The following KATNAL2 variants were observed in gnomAD, a reference collection of about 807,000 sequenced individuals.
KATNAL2 encodes the protein katanin catalytic subunit A1 like 2.
In KATNAL2, 52 loss-of-function variants were observed where a neutral mutation model predicts 76.3. The observed-to-expected ratio is 0.68, with a 90% CI of 0.55 to 0.86. The LOEUF (loss-of-function observed/expected upper bound fraction) is 0.86. KATNAL2 is among the 40% of genes least tolerant of loss of function. KATNAL2 has a pLI of 0.00. For missense variants in KATNAL2, 660 were observed against 668.9 expected, an observed-to-expected ratio of 0.99 and a Z score of 0.15; for synonymous variants, 243 against 244.2, an observed-to-expected ratio of 1.00 and a Z score of 0.05.
rs574265545 is a variant in KATNAL2, at chr18:47,071,953, C to CTTTTT, written c.1008+2387_1008+2391dup. Among the ~76,000 whole-genome samples the CTTTTT allele has an allele frequency of 3.1e-3, 136 of 43,958 alleles. 34 individuals carry two copies. The highest frequency in any genetic ancestry group is 9.9e-3 in the African/African-American group (83 of 8,348). The allele number at this position is 43,958 out of a possible 152,430, so 28.8% of individuals were successfully genotyped here. On this transcript the variant is annotated intron_variant, in intron 13 of 17. Transcript: ENST00000683218. The stretch of plus-strand genomic sequence containing the variant: ...GAAACAATTCCTCTCCCAATTTCTT[C>CTTTTT]TTTTTTTTTTTTTTTTTTTTTTTTT...
chr18:46,956,844 A>G lies in KATNAL2; in HGVS notation c.51+9921A>G, dbSNP rs558615256. 3.3e-5 allele frequency among the ~76,000 whole-genome samples: 5 copies of G among 152,060 alleles called. No homozygotes were observed. In the East Asian group the frequency reaches 9.7e-4, roughly 29 times the overall value. The stretch of plus-strand genomic sequence containing the variant: ...GATCACCTGAGGTCAGGAGTTCCAG[A>G]CCATCCTGACCAATATGATGAAACC... On this transcript the variant is annotated intron_variant, in intron 3 of 17. Transcript: ENST00000683218.
chr18:47,059,494 G>C, intron 7 of KATNAL2, 62 bp from the exon 8 acceptor site: 1 of 1,130,132 alleles, frequency 8.8e-7, no homozygotes, highest in Non-Finnish European at 1.3e-6. Context: ...GAGTAGGCAG[G>C]TACATCCAGC....
intron 7 of KATNAL2, among the ~76,000 whole-genome samples, chr18:47,058,745 G>A (rs565837590): frequency 6.6e-6 from 1 of 152,266 alleles, no homozygotes; most frequent in African/African-American, 2.4e-5. Flanking sequence ...ACATTGCTAG[G>A]TTCCTAAGTG....
At chr18:47,070,879 C>T (rs972460694) in intron 13 of KATNAL2, among the ~76,000 whole-genome samples, 23 of 152,070 alleles carry the variant, frequency 1.5e-4, no homozygotes, top group African/African-American at 5.3e-4. Flanking sequence ...TTTCTTTGTT[C>T]TTCATCTTGC....
chr18:47,041,729 T>C (rs1231068872), intron 3 of KATNAL2, among the ~76,000 whole-genome samples: 5 of 152,210 alleles, frequency 3.3e-5, no homozygotes, highest in African/African-American at 1.2e-4. Context: ...AGGGTTGCAA[T>C]TGTTGGGTCA....
chr18:46,932,058 G>C (rs959594718), intron 1 of KATNAL2, among the ~76,000 whole-genome samples: 4 of 151,748 alleles, frequency 2.6e-5, no homozygotes, highest in Non-Finnish European at 2.9e-5. Context: ...TTACAGGTGC[G>C]TGCTACCATG....
At chr18:46,933,811 TC>T (rs1243865727) in intron 1 of KATNAL2, among the ~76,000 whole-genome samples, 2 of 119,178 alleles carry the variant, frequency 1.7e-5, no homozygotes, top group African/African-American at 6.5e-5. Flanking sequence ...CCCATAACAG[TC>T]CCCGTCCCCA....
At chr18:47,053,439 G>A (rs533494349) in intron 5 of KATNAL2, among the ~76,000 whole-genome samples, 2 of 152,250 alleles carry the variant, frequency 1.3e-5, no homozygotes, top group East Asian at 3.9e-4. Context: ...ACAAAAATGA[G>A]TATTGGGGAA....
At chr18:46,948,723 C>G (rs901186212) in intron 3 of KATNAL2, among the ~76,000 whole-genome samples, 6 of 151,754 alleles carry the variant, frequency 4.0e-5, no homozygotes, top group African/African-American at 7.3e-5. Flanking sequence ...CCACCATGCT[C>G]GGCCAAACTT....
chr18:46,926,401 G>A (rs1022630385), intron 1 of KATNAL2, among the ~76,000 whole-genome samples: 5 of 152,124 alleles, frequency 3.3e-5, no homozygotes, highest in African/African-American at 9.7e-5. Context: ...GGTTTTGAGT[G>A]AGTTTCTTAA....
At chr18:46,954,297 T>C (rs2146726690) in intron 3 of KATNAL2, among the ~76,000 whole-genome samples, 1 of 151,592 alleles carries the variant, frequency 6.6e-6, no homozygotes, top group Admixed American at 6.6e-5. Context: ...GTTATATGTT[T>C]TCTTCTCCTT....
At chr18:47,098,561 T>C (rs1369049727) in intron 15 of KATNAL2, 1 of 155,806 alleles carries the variant, frequency 6.4e-6, no homozygotes, top group Non-Finnish European at 1.4e-5. Flanking sequence ...AAGATGAGAT[T>C]TGGGTGGGGA....
chr18:47,077,334 G>A lies in KATNAL2; in HGVS notation c.1101-17G>A, dbSNP rs368466544. 4 of 1,592,042 alleles carry A rather than the reference G, an allele frequency of 2.5e-6. No individual in the cohort carries two copies. Among genetic ancestry groups the A allele is most frequent in the African/African-American group, 2.7e-5 (2 of 74,462 alleles). ...AGGCTCTGACACTTAGGAGAATCAC[G>A]TCTTGTCTCTCTGTAGGGGAGAACA... is the stretch of plus-strand genomic sequence containing the variant. On this transcript the variant is annotated splice_polypyrimidine_tract_variant and intron_variant, in intron 14 of 17. Transcript: ENST00000683218.
At chr18:47,092,240 T>C (rs2063033266) in intron 15 of KATNAL2, among the ~76,000 whole-genome samples, 1 of 152,198 alleles carries the variant, frequency 6.6e-6, no homozygotes. Flanking sequence ...GGATCACGCC[T>C]GTAATCCCAG....
chr18:47,085,793 A>C (rs2062745172), intron 15 of KATNAL2, among the ~76,000 whole-genome samples: 1 of 152,180 alleles, frequency 6.6e-6, no homozygotes, highest in African/African-American at 2.4e-5. Flanking sequence ...CAAATAAATA[A>C]ATAAATAAAT....
intron 1 of KATNAL2, among the ~76,000 whole-genome samples, chr18:46,929,824 GAGTAC>G (rs1439686555): frequency 6.6e-6 from 1 of 152,048 alleles, no homozygotes; most frequent in Non-Finnish European, 1.5e-5. Flanking sequence ...ACCCGGGCTA[GAGTAC>G]AGTGATGTGA....
At chr18:46,929,192 A>T (rs1325666195) in intron 1 of KATNAL2, among the ~76,000 whole-genome samples, 1 of 151,326 alleles carries the variant, frequency 6.6e-6, no homozygotes, top group Non-Finnish European at 1.5e-5. Context: ...TGGCTTTTTA[A>T]ATTCAGCATA....
At chr18:47,059,107 G>C (rs2061554708) in intron 7 of KATNAL2, among the ~76,000 whole-genome samples, 1 of 152,202 alleles carries the variant, frequency 6.6e-6, no homozygotes. Flanking sequence ...CCTCAAGGAG[G>C]TCCTACGGTT....
At chr18:46,958,920 G>A (rs904425441) in intron 3 of KATNAL2, among the ~76,000 whole-genome samples, 12 of 152,138 alleles carry the variant, frequency 7.9e-5, no homozygotes, top group African/African-American at 2.7e-4. Flanking sequence ...GTCATTATAC[G>A]TACTTTTCAA....
Sources: allele counts gnomAD v4.1 joint callset (sites outside exome capture counted in the v4.1 genomes callset), GRCh38; gene constraint gnomAD v4.1.1; transcripts MANE v1.5; gene names NCBI Gene and HGNC (gene_info 2026-07-23, HGNC 2026-07-21).